Variants in CCSER1 observed in about 807,000 individuals in gnomAD.
CCSER1 encodes coiled-coil serine rich protein 1, also known as serine-rich coiled-coil domain-containing protein 1.
CCSER1 carries 41 observed loss-of-function variants against 82.0 expected under a neutral mutation model. The ratio of observed to expected loss-of-function variants is 0.50; its 90% CI spans 0.39 to 0.65. The LOEUF (loss-of-function observed/expected upper bound fraction) is 0.65. CCSER1 is among the 30% of genes least tolerant of loss of function. The pLI is 0.00. For synonymous variants in CCSER1, 414 were observed against 383.9 expected (o/e 1.08, Z -0.92); for missense variants, 1,119 against 1,064.2 (o/e 1.05, Z -0.72).
chr4:90,400,696 T>C (rs1017549450), intron 4 of CCSER1, among the ~76,000 whole-genome samples: 14 of 152,218 alleles, frequency 9.2e-5, no homozygotes, highest in Non-Finnish European at 1.8e-4. Flanking sequence ...GAGCCTGATA[T>C]ATTTGTAATG....
At chr4:91,244,892 C>T (rs561352258) in intron 10 of CCSER1, among the ~76,000 whole-genome samples, 1 of 152,038 alleles carries the variant, frequency 6.6e-6, no homozygotes, top group East Asian at 1.9e-4. Flanking sequence ...CAAGATAACA[C>T]AGAGAAAATT....
At chr4:91,483,740 C>T (rs1031286868) in intron 10 of CCSER1, among the ~76,000 whole-genome samples, 1 of 152,002 alleles carries the variant, frequency 6.6e-6, no homozygotes, top group Non-Finnish European at 1.5e-5. Flanking sequence ...CTGGCCTGTA[C>T]TGTTTCATTA....
At chr4:90,232,795 C>T (rs1386232085) in intron 1 of CCSER1, among the ~76,000 whole-genome samples, 2 of 150,732 alleles carry the variant, frequency 1.3e-5, no homozygotes, top group Non-Finnish European at 3.0e-5. Context: ...CAAACAACCC[C>T]ATCAAAAAGT....
At chr4:90,566,759 C>T (rs1183421111) in intron 5 of CCSER1, among the ~76,000 whole-genome samples, 3 of 152,108 alleles carry the variant, frequency 2.0e-5, no homozygotes, top group South Asian at 2.1e-4. Context: ...CCCGCCACCA[C>T]GCCCAGCTAA....
At chr4:90,528,189 G>C (rs1233303732) in intron 5 of CCSER1, among the ~76,000 whole-genome samples, 4 of 152,170 alleles carry the variant, frequency 2.6e-5, no homozygotes, top group Non-Finnish European at 5.9e-5. Context: ...TGAGAGTACA[G>C]TGATTATGGA....
intron 10 of CCSER1, among the ~76,000 whole-genome samples, chr4:91,194,708 A>G (rs573947479): frequency 2.5e-4 from 38 of 152,326 alleles, no homozygotes; most frequent in African/African-American, 8.7e-4. Flanking sequence ...GCACGCAGAA[A>G]GAGAGAGGTT....
chr4:91,560,490 G>C (rs930778351), intron 10 of CCSER1, among the ~76,000 whole-genome samples: 3 of 151,292 alleles, frequency 2.0e-5, no homozygotes, highest in African/African-American at 4.8e-5. Context: ...TTCTCCCCAT[G>C]GATGGAACAT....
chr4:90,577,490 A>C (rs116808698), intron 5 of CCSER1, among the ~76,000 whole-genome samples: 80 of 152,180 alleles, frequency 5.3e-4, no homozygotes, highest in African/African-American at 1.8e-3. Flanking sequence ...CTCCTTCAAT[A>C]AGTTGTTACT....
At chr4:90,761,025 G>A (rs1750336534) in intron 7 of CCSER1, among the ~76,000 whole-genome samples, 1 of 151,990 alleles carries the variant, frequency 6.6e-6, no homozygotes, top group African/African-American at 2.4e-5. Context: ...AAATTAGCTG[G>A]ATAAATGTGA....
At chr4:90,658,235 T>G (rs183850302) in intron 6 of CCSER1, among the ~76,000 whole-genome samples, 12 of 152,334 alleles carry the variant, frequency 7.9e-5, no homozygotes, top group African/African-American at 2.6e-4. Context: ...TGATAATGTT[T>G]AATTAAATAA....
At chr4:90,820,895 C>A (rs1759646703) in intron 8 of CCSER1, among the ~76,000 whole-genome samples, 1 of 151,978 alleles carries the variant, frequency 6.6e-6, no homozygotes, top group Non-Finnish European at 1.5e-5. Context: ...AATTAGACTG[C>A]TCAATTTCTG....
intron 1 of CCSER1, among the ~76,000 whole-genome samples, chr4:90,155,118 T>G (rs955331449): frequency 2.6e-5 from 4 of 152,246 alleles, no homozygotes; most frequent in African/African-American, 4.8e-5. Context: ...AAAGGCCTTT[T>G]CCGCATCTAT....
intron 9 of CCSER1, among the ~76,000 whole-genome samples, chr4:91,039,771 G>A (rs9990894): frequency 0.42 from 63,816 of 151,420 alleles, 13,750 homozygotes; most frequent in East Asian, 0.64. Context: ...TAATATCCAC[G>A]TATGTGATAT....
chr4:91,560,612 G>A (rs749255719), intron 10 of CCSER1, among the ~76,000 whole-genome samples: 73 of 151,442 alleles, frequency 4.8e-4, no homozygotes, highest in Non-Finnish European at 9.2e-4. Context: ...ATGCTCAATC[G>A]TTTAATAACA....
chr4:91,104,740 T>TCCTC (rs1725437331), intron 10 of CCSER1, among the ~76,000 whole-genome samples: 1 of 152,200 alleles, frequency 6.6e-6, no homozygotes, highest in African/African-American at 2.4e-5. Flanking sequence ...GTTTAGTTTC[T>TCCTC]CCTCAAGCCT....
At chr4:91,068,457 G>A (rs1479693394) in intron 9 of CCSER1, among the ~76,000 whole-genome samples, 5 of 152,100 alleles carry the variant, frequency 3.3e-5, no homozygotes, top group Non-Finnish European at 7.4e-5. Context: ...AATTAATAAT[G>A]ACAGAAATAA....
rs116802809 is a variant in CCSER1 at position 91,192,540 on chromosome 4, C to T, written c.2217+106546C>T. The stretch of plus-strand genomic sequence containing the variant: ...CTCATTTACTGAGAGTTGTCAAATG[C>T]TCTCTTTCCTTTTTTGCCCACACAT... On this transcript the variant is annotated intron_variant, in intron 10 of 10. Transcript: ENST00000509176. Among the ~76,000 whole-genome samples, 1,366 of 152,152 alleles carry T rather than the reference C, an allele frequency of 9.0e-3. 13 individuals are homozygous for T. Among genetic ancestry groups the T allele is most frequent in the African/African-American group, 0.031 (1,300 of 41,522 alleles).
At chr4:91,330,167 C>T (rs1295222168) in intron 10 of CCSER1, among the ~76,000 whole-genome samples, 2 of 152,128 alleles carry the variant, frequency 1.3e-5, no homozygotes, top group East Asian at 1.9e-4. Flanking sequence ...GCAGTAATTT[C>T]ATTATCCAGA....
chr4:90,187,814 A>G (rs1270026272), intron 1 of CCSER1, among the ~76,000 whole-genome samples: 5 of 151,966 alleles, frequency 3.3e-5, no homozygotes. Flanking sequence ...TTGTATCTGT[A>G]ATTACTGATC....
Sources: allele counts gnomAD v4.1 joint callset (sites outside exome capture counted in the v4.1 genomes callset), GRCh38; gene constraint gnomAD v4.1.1; transcripts MANE v1.5; gene names NCBI Gene and HGNC (gene_info 2026-07-23, HGNC 2026-07-21).